Variants in SCN8A observed in about 807,000 individuals in gnomAD.
SCN8A encodes sodium voltage-gated channel alpha subunit 8.
In SCN8A, 30 loss-of-function variants were observed where a neutral mutation model predicts 184.1. The observed-to-expected ratio is 0.16, with a 90% CI of 0.12 to 0.22. The LOEUF is 0.22. SCN8A is among the 10% of genes least tolerant of loss of function. SCN8A has a pLI of 1.00. For missense variants in SCN8A, 1,057 were observed against 2,498.9 expected (o/e 0.42, Z 12.30); for synonymous variants, 852 against 907.0 (o/e 0.94, Z 1.09).
intron 11 of SCN8A, among the ~76,000 whole-genome samples, chr12:51,721,107 A>ATATATATATATATATATATATATATATT (rs1555221357): frequency 9.8e-6 from 1 of 102,250 alleles, no homozygotes; most frequent in African/African-American, 4.2e-5. Flanking sequence ...ATATATATAT[A>ATATATATATATATATATATATATATATT]ATATTTATTT....
chr12:51,656,673 C>T (rs1940827669), intron 1 of SCN8A, among the ~76,000 whole-genome samples: 1 of 152,074 alleles, frequency 6.6e-6, no homozygotes, highest in African/African-American at 2.4e-5. Context: ...GGCCAATCAA[C>T]CTTTGAGAAA....
At chr12:51,681,627 C>G (rs1446657337) in intron 2 of SCN8A, among the ~76,000 whole-genome samples, 1 of 152,086 alleles carries the variant, frequency 6.6e-6, no homozygotes, top group Non-Finnish European at 1.5e-5. Context: ...TAGGATTAGG[C>G]TTTTTCTGCA....
rs890350374 is a variant in SCN8A, at chr12:51,734,021, C to G, written c.1999-11882C>G. 5.9e-5 allele frequency among the ~76,000 whole-genome samples: 9 copies of G among 152,038 alleles called. 1 individual carries two copies. Among genetic ancestry groups the G allele is most frequent in the African/African-American group, 2.2e-4 (9 of 41,398 alleles). ...TTTGTTTATCTTTCCAAAAGATAAACAACCTCTTGTTTCATTGATCTTTTG... is the reference window on the plus strand; with the variant it reads ...TTTGTTTATCTTTCCAAAAGATAAAGAACCTCTTGTTTCATTGATCTTTTG... On this transcript the variant is annotated intron_variant, in intron 12 of 26. Coordinates refer to ENST00000627620, the MANE Select transcript of SCN8A (RefSeq NM_001330260.2).
chr12:51,786,485 A>C, intron 21 of SCN8A, 57 bp from the exon 22 acceptor site: 1 of 1,590,250 alleles, frequency 6.3e-7, no homozygotes, highest in South Asian at 1.1e-5. Context: ...TGGAAATCAA[A>C]AAATGTGCTT....
At chr12:51,650,647 C>A (rs1940691560) in intron 1 of SCN8A, among the ~76,000 whole-genome samples, 1 of 151,906 alleles carries the variant, frequency 6.6e-6, no homozygotes, top group African/African-American at 2.4e-5. Context: ...AAAATCTCTG[C>A]AGCACTGTGA....
rs182947208 is a variant in SCN8A at position 51,707,596 on chromosome 12, C to T, written c.1635+881C>T. Among the ~76,000 whole-genome samples, 307 of 152,276 alleles carry T rather than the reference C, an allele frequency of 2.0e-3. 2 individuals carry two copies. Among genetic ancestry groups the T allele is most frequent in the African/African-American group, 6.6e-3 (276 of 41,538 alleles). On this transcript the variant is annotated intron_variant, in intron 11 of 26. Coordinates refer to ENST00000627620, the MANE Select transcript of SCN8A (RefSeq NM_001330260.2). ...TAAGGGTGGGTCTGCCTTTCCCATC[C>T]CACTGACTTGACTGTTAATCTCCTT...
chr12:51,622,702 A>G (rs1260600933), intron 1 of SCN8A, among the ~76,000 whole-genome samples: 2 of 152,164 alleles, frequency 1.3e-5, no homozygotes, highest in East Asian at 1.9e-4. Context: ...GTTTCTCACT[A>G]TAAAGTTACT....
At chr12:51,684,854 A>G (rs148675310) in intron 3 of SCN8A, among the ~76,000 whole-genome samples, 2 of 152,338 alleles carry the variant, frequency 1.3e-5, no homozygotes, top group African/African-American at 4.8e-5. Context: ...AAATAGAAAA[A>G]TGCCAATTTA....
At chr12:51,619,634 G>A (rs1939918642) in intron 1 of SCN8A, among the ~76,000 whole-genome samples, 2 of 152,232 alleles carry the variant, frequency 1.3e-5, no homozygotes, top group South Asian at 2.1e-4. Flanking sequence ...GTTTTACCAA[G>A]TCTTTTACCA....
At chr12:51,686,268 G>A in intron 3 of SCN8A, 100 bp from the exon 4 acceptor site, 3 of 735,494 alleles carry the variant, frequency 4.1e-6, no homozygotes, top group Non-Finnish European at 7.1e-6. Flanking sequence ...TCTCCTTTCA[G>A]GTTATTGATT....
intron 1 of SCN8A, among the ~76,000 whole-genome samples, chr12:51,655,758 A>G (rs1033383536): frequency 2.6e-5 from 4 of 152,256 alleles, no homozygotes; most frequent in Non-Finnish European, 5.9e-5. Context: ...GTCTAGTTCA[A>G]TCTCTTTTAG....
chr12:51,766,905 C>T (rs181049144), intron 16 of SCN8A, among the ~76,000 whole-genome samples: 1 of 152,310 alleles, frequency 6.6e-6, no homozygotes, highest in Admixed American at 6.5e-5. Flanking sequence ...CCCCTAATCC[C>T]ACCTGCAAGT....
chr12:51,711,268 AT>A (rs1322602507), intron 11 of SCN8A, among the ~76,000 whole-genome samples: 1 of 152,238 alleles, frequency 6.6e-6, no homozygotes, highest in Non-Finnish European at 1.5e-5. Flanking sequence ...AACTCAAAAA[AT>A]AAAACCAGGT....
In SCN8A at chr12:51,688,181, C is replaced by CT. The variant is rs551208968; in HGVS notation, c.615-822dup. Among the ~76,000 whole-genome samples the CT allele has an allele frequency of 3.9e-4, 60 of 152,296 alleles. 1 individual carries two copies. In the South Asian group the frequency reaches 7.9e-3, roughly 20 times the overall value. The stretch of plus-strand genomic sequence containing the variant: ...ACAGAGCTTGTAATTAAAATGAGCA[C>CT]TTAACACAATATTTGCTCTGATCCC... On this transcript the variant is annotated intron_variant, in intron 5 of 26. Coordinates refer to ENST00000627620, the MANE Select transcript of SCN8A (RefSeq NM_001330260.2).
chr12:51,591,369 C>A lies in SCN8A; in HGVS notation c.-55+10C>A. 6.5e-6 allele frequency: 1 copy of A among 154,814 alleles called. No individual in the cohort carries two copies. The highest frequency in any genetic ancestry group is 1.8e-4 in the South Asian group (1 of 5,680). The allele number at this position is 154,814 out of a possible 1,614,324, so 9.6% of individuals were successfully genotyped here. A position where few individuals can be genotyped will look rare whatever the true frequency, so the allele number is the denominator to read the frequency against. ...CGCCGCCGCCGCTGCCGTAAGTCGCCCCAGAGCCCCCGCCCTAGCGCTGCT... is the reference window on the plus strand; with the variant it reads ...CGCCGCCGCCGCTGCCGTAAGTCGCACCAGAGCCCCCGCCCTAGCGCTGCT... On this transcript the variant is annotated intron_variant, in intron 1 of 26. Coordinates refer to ENST00000627620, the MANE Select transcript of SCN8A (RefSeq NM_001330260.2).
chr12:51,730,906 C>T (rs1428369358), intron 12 of SCN8A, among the ~76,000 whole-genome samples: 2 of 152,200 alleles, frequency 1.3e-5, no homozygotes, highest in African/African-American at 4.8e-5. Context: ...TACTTTCTAT[C>T]CTCAGGAGTT....
intron 6 of SCN8A, among the ~76,000 whole-genome samples, chr12:51,699,107 G>C (rs533504938): frequency 3.7e-4 from 56 of 152,372 alleles, no homozygotes; most frequent in African/African-American, 1.3e-3. Context: ...TGGAGAGGAA[G>C]AAGAGTTGCA....
At chr12:51,750,720 C>T (rs1055089759) in intron 13 of SCN8A, among the ~76,000 whole-genome samples, 2 of 152,170 alleles carry the variant, frequency 1.3e-5, no homozygotes, top group African/African-American at 4.8e-5. Flanking sequence ...TATTTTAGCT[C>T]TTTAATTCTC....
intron 19 of SCN8A, among the ~76,000 whole-genome samples, chr12:51,772,193 C>T (rs377690118): frequency 5.9e-5 from 9 of 151,880 alleles, no homozygotes; most frequent in African/African-American, 1.5e-4. Context: ...GTTGGGAGTT[C>T]GAGACCAGCC....
Sources: allele counts gnomAD v4.1 joint callset (sites outside exome capture counted in the v4.1 genomes callset), GRCh38; gene constraint gnomAD v4.1.1; transcripts MANE v1.5; gene names NCBI Gene and HGNC (gene_info 2026-07-23, HGNC 2026-07-21).